The following KLHL4 variants were observed in gnomAD, a reference collection of about 807,000 sequenced individuals.
KLHL4 encodes kelch like family member 4, also known as kelch-like protein 4.
In KLHL4, 17 loss-of-function variants were observed where a neutral mutation model predicts 45.8. The ratio of observed to expected loss-of-function variants is 0.37; its 90% confidence interval spans 0.25 to 0.56. The LOEUF (loss-of-function observed/expected upper bound fraction) is 0.56, where lower values mean the gene tolerates loss of function less well. KLHL4 is among the 20% of genes least tolerant of loss of function. KLHL4 has a pLI of 0.79. For missense variants in KLHL4, 544 were observed against 544.9 expected (o/e 1.00, Z 0.02); for synonymous variants, 224 against 189.9 (o/e 1.18, Z -1.47).
At position 87,620,529 on chromosome X, in the gene KLHL4, G is replaced by A. The variant is rs751569854; in HGVS notation, c.925-1682G>A. ...GGTTTTTCCTCTTCATTTTTTAATT[G>A]GAGAGTGGGTAAAAAGGAGGAGATA... On this transcript the variant is annotated intron_variant, in intron 4 of 10. Transcript: ENST00000373119. 5.4e-5 allele frequency among the ~76,000 whole-genome samples: 6 copies of A among 111,642 alleles called. No homozygotes were observed. In the South Asian group the frequency reaches 1.9e-3, roughly 35 times the overall value.
At chrX:87,574,749 A>G (rs1270206855) in intron 1 of KLHL4, among the ~76,000 whole-genome samples, 3 of 111,783 alleles carry the variant, frequency 2.7e-5, no homozygotes, top group Non-Finnish European at 5.6e-5. Flanking sequence ...ACTATACTGG[A>G]TTTGAAGTGA....
intron 1 of KLHL4, among the ~76,000 whole-genome samples, chrX:87,534,132 A>C (rs1931378610): frequency 9.0e-6 from 1 of 111,669 alleles, no homozygotes; most frequent in Non-Finnish European, 1.9e-5. Context: ...ACAGAGTAGA[A>C]TAATGGGGGC....
intron 1 of KLHL4, among the ~76,000 whole-genome samples, chrX:87,600,155 G>A (rs1365019157): frequency 9.0e-6 from 1 of 110,760 alleles, no homozygotes; most frequent in Non-Finnish European, 1.9e-5. Flanking sequence ...GGTGATAGGA[G>A]AGCTCTTGCT....
At chrX:87,532,124 A>G (rs945161946) in intron 1 of KLHL4, among the ~76,000 whole-genome samples, 1 of 109,795 alleles carries the variant, frequency 9.1e-6, no homozygotes, top group African/African-American at 3.3e-5. Context: ...GGTGTAAGGA[A>G]GGGATCCAGT....
At chrX:87,564,533 A>G (rs1245026527) in intron 1 of KLHL4, among the ~76,000 whole-genome samples, 1 of 111,604 alleles carries the variant, frequency 9.0e-6, no homozygotes, top group Non-Finnish European at 1.9e-5. Context: ...GAGCTGGTGT[A>G]GTTATATTAA....
chrX:87,636,508 C>T (rs187955504), intron 9 of KLHL4, among the ~76,000 whole-genome samples: 7 of 111,597 alleles, frequency 6.3e-5, no homozygotes, highest in Non-Finnish European at 1.1e-4. Context: ...TGGATTGCTG[C>T]GCAGGGATAG....
intron 3 of KLHL4, among the ~76,000 whole-genome samples, chrX:87,614,935 C>G (rs1922507742): frequency 9.0e-6 from 1 of 111,147 alleles, no homozygotes; most frequent in African/African-American, 3.3e-5. Flanking sequence ...TGGGATCTTC[C>G]AATCCTACAG....
At chrX:87,579,459 T>G (rs1921204988) in intron 1 of KLHL4, among the ~76,000 whole-genome samples, 1 of 110,702 alleles carries the variant, frequency 9.0e-6, no homozygotes, top group Non-Finnish European at 1.9e-5. Context: ...GGCCAAAAAT[T>G]TGCCAAATCT....
intron 4 of KLHL4, among the ~76,000 whole-genome samples, chrX:87,619,166 A>G (rs995780880): frequency 8.9e-6 from 1 of 112,023 alleles, no homozygotes; most frequent in Non-Finnish European, 1.9e-5. Context: ...TCAGTTATTT[A>G]ATATTAAAAA....
chrX:87,564,792 G>A (rs1164380345), intron 1 of KLHL4, among the ~76,000 whole-genome samples: 1 of 111,582 alleles, frequency 9.0e-6, no homozygotes, highest in East Asian at 2.8e-4. Flanking sequence ...TAAAGAACTT[G>A]AACAGCACTA....
At chrX:87,592,826 T>A (rs1157171425) in intron 1 of KLHL4, among the ~76,000 whole-genome samples, 6 of 112,237 alleles carry the variant, frequency 5.3e-5, no homozygotes, top group African/African-American at 1.9e-4. Flanking sequence ...TTCCTTACCA[T>A]ATGAATAGTT....
At chrX:87,567,035 A>G (rs1932227613) in intron 1 of KLHL4, among the ~76,000 whole-genome samples, 1 of 110,749 alleles carries the variant, frequency 9.0e-6, no homozygotes, top group Non-Finnish European at 1.9e-5. Context: ...TATGTAACAA[A>G]CCTGCACTTA....
chrX:87,533,116 C>G (rs1181924196), intron 1 of KLHL4, among the ~76,000 whole-genome samples: 3 of 108,681 alleles, frequency 2.8e-5, no homozygotes. Flanking sequence ...GGACTGTAAA[C>G]TAGTTCAACC....
intron 9 of KLHL4, among the ~76,000 whole-genome samples, chrX:87,654,074 C>T (rs1030174040): frequency 3.6e-5 from 4 of 110,739 alleles, no homozygotes; most frequent in African/African-American, 6.6e-5. Context: ...AGCAAACCAC[C>T]GTGGCACAAC....
chrX:87,606,132 GT>G (rs748146876), intron 1 of KLHL4, among the ~76,000 whole-genome samples: 31 of 111,386 alleles, frequency 2.8e-4, no homozygotes, highest in Non-Finnish European at 5.5e-4. Context: ...TGGTTTGCTT[GT>G]ATATTGTTGA....
chrX:87,640,177 A>T (rs1923405758), intron 9 of KLHL4, among the ~76,000 whole-genome samples: 1 of 111,263 alleles, frequency 9.0e-6, no homozygotes, highest in African/African-American at 3.3e-5. Context: ...CAATAATAAG[A>T]AGCAAGATTG....
chrX:87,518,717 A>G (rs1469584276), intron 1 of KLHL4, among the ~76,000 whole-genome samples: 1 of 111,959 alleles, frequency 8.9e-6, no homozygotes. Context: ...TAACAAAATA[A>G]AAGCTGTGAC....
intron 9 of KLHL4, among the ~76,000 whole-genome samples, chrX:87,637,578 C>A (rs1336377592): frequency 9.0e-6 from 1 of 110,837 alleles, no homozygotes; most frequent in Admixed American, 9.7e-5. Context: ...TTAAACACAT[C>A]AAATAAATAA....
At chrX:87,656,709 A>G (rs1468771831) in intron 9 of KLHL4, among the ~76,000 whole-genome samples, 2 of 110,731 alleles carry the variant, frequency 1.8e-5, no homozygotes, top group Admixed American at 1.9e-4. Context: ...CATTTTGGTT[A>G]GGAACTATTG....
Sources: gnomAD v4.1 joint callset for allele counts (sites outside exome capture counted in the v4.1 genomes callset) on GRCh38, gnomAD v4.1.1 for gene constraint, MANE v1.5 for transcripts, NCBI Gene and HGNC (gene_info 2026-07-23, HGNC 2026-07-21) for gene names.